Variants in FRMD4A observed in about 807,000 individuals in gnomAD.
The protein encoded by FRMD4A is FERM domain containing 4A.
In FRMD4A, 29 loss-of-function variants were observed where a neutral mutation model predicts 129.1. The observed-to-expected ratio is 0.22, with a 90% CI of 0.17 to 0.31. The LOEUF (loss-of-function observed/expected upper bound fraction) is 0.31, where lower values mean the gene tolerates loss of function less well. FRMD4A is among the 10% of genes least tolerant of loss of function. The probability of loss-of-function intolerance (pLI) is 1.00; values close to 1 mark genes in which losing one functional copy is unlikely to be tolerated. For synonymous variants in FRMD4A, 634 were observed against 571.6 expected (o/e 1.11, Z -1.56); for missense variants, 1,272 against 1,375.8 (o/e 0.92, Z 1.19).
chr10:13,811,628 T>C (rs1374286086), intron 3 of FRMD4A, among the ~76,000 whole-genome samples: 1 of 150,940 alleles, frequency 6.6e-6, no homozygotes, highest in Admixed American at 6.6e-5. Flanking sequence ...GCGTTAGGCA[T>C]AAAGTCATGG....
chr10:13,927,306 G>C (rs1430626090), intron 2 of FRMD4A, among the ~76,000 whole-genome samples: 2 of 152,056 alleles, frequency 1.3e-5, no homozygotes, highest in South Asian at 2.1e-4. Flanking sequence ...GTCATCATTT[G>C]CTCCCCTAAC....
chr10:14,273,621 T>C (rs1453856943), intron 2 of FRMD4A, among the ~76,000 whole-genome samples: 1 of 151,942 alleles, frequency 6.6e-6, no homozygotes, highest in Non-Finnish European at 1.5e-5. Context: ...CATAAACTCT[T>C]CCAGATTCAA....
chr10:13,855,298 G>A (rs773014935), intron 3 of FRMD4A, among the ~76,000 whole-genome samples: 11 of 152,120 alleles, frequency 7.2e-5, no homozygotes, highest in East Asian at 5.8e-4. Flanking sequence ...TTTGGATGCC[G>A]TCAGCTTTCT....
chr10:14,123,764 C>T (rs1250293928), intron 2 of FRMD4A, among the ~76,000 whole-genome samples: 1 of 152,188 alleles, frequency 6.6e-6, no homozygotes, highest in Non-Finnish European at 1.5e-5. Context: ...AGTTCAAGTT[C>T]AAATATCCAT....
intron 2 of FRMD4A, among the ~76,000 whole-genome samples, chr10:14,078,826 TG>T (rs1163954695): frequency 6.6e-6 from 1 of 152,194 alleles, no homozygotes; most frequent in Non-Finnish European, 1.5e-5. Flanking sequence ...TGGGCTGCCT[TG>T]TGGCACCGTC....
At chr10:13,780,811 T>G (rs1047436866) in intron 6 of FRMD4A, among the ~76,000 whole-genome samples, 1 of 152,176 alleles carries the variant, frequency 6.6e-6, no homozygotes, top group Non-Finnish European at 1.5e-5. Flanking sequence ...AGAAGTACCC[T>G]ATGATCTGGC....
chr10:14,239,242 T>A (rs1466168826), intron 2 of FRMD4A, among the ~76,000 whole-genome samples: 1 of 152,244 alleles, frequency 6.6e-6, no homozygotes, highest in African/African-American at 2.4e-5. Context: ...CGTGGCTTAA[T>A]AGACTCATGG....
In FRMD4A at chr10:13,931,775, T is replaced by TAA. The variant is rs59824238; in HGVS notation, c.46-72865_46-72864dup. Among the ~76,000 whole-genome samples, 124 of 129,258 alleles carry TAA rather than the reference T, an allele frequency of 9.6e-4. 1 individual carries two copies. Among genetic ancestry groups the TAA allele is most frequent in the Non-Finnish European group, 1.2e-3 (73 of 62,608 alleles). 84.8% of individuals were successfully genotyped at this position (129,258 alleles called of 152,430 possible). On this transcript the variant is annotated intron_variant, in intron 2 of 24. Transcript: ENST00000357447. ...CAACATGGCAAAATCTCATCTTTAC[T>TAA]AAAAAAAAAAAAAAAAAATAGAAAA...
At chr10:13,687,275 G>T (rs889148817) in intron 15 of FRMD4A, among the ~76,000 whole-genome samples, 8 of 152,136 alleles carry the variant, frequency 5.3e-5, no homozygotes, top group African/African-American at 1.9e-4. Flanking sequence ...CAGCCTGGGC[G>T]ACAGAGCAAG....
chr10:13,679,049 T>C (rs1471680957), intron 15 of FRMD4A, among the ~76,000 whole-genome samples: 3 of 152,188 alleles, frequency 2.0e-5, no homozygotes, highest in Middle Eastern at 6.8e-3. Context: ...ATCTCCCCCA[T>C]CACCTACTCT....
intron 12 of FRMD4A, among the ~76,000 whole-genome samples, chr10:13,709,470 G>GT (rs1279418493): frequency 7.2e-5 from 11 of 152,104 alleles, no homozygotes; most frequent in African/African-American, 2.7e-4. Context: ...TTAAAAGAGA[G>GT]TAACTCCAGA....
At chr10:13,870,678 C>G (rs2094429192) in intron 2 of FRMD4A, 1 of 121,426 alleles carries the variant, frequency 8.2e-6, no homozygotes, top group Non-Finnish European at 1.9e-5. Flanking sequence ...CTGTCACGCT[C>G]CGTCCTCCCC....
chr10:13,938,761 A>G (rs2095268305), intron 2 of FRMD4A, among the ~76,000 whole-genome samples: 1 of 152,218 alleles, frequency 6.6e-6, no homozygotes, highest in African/African-American at 2.4e-5. Context: ...GATTGTCACA[A>G]CATGGAAGGT....
chr10:14,181,533 C>T (rs1262769982), intron 2 of FRMD4A, among the ~76,000 whole-genome samples: 1 of 152,148 alleles, frequency 6.6e-6, no homozygotes, highest in East Asian at 1.9e-4. Context: ...GCATTTTTAC[C>T]TCCCGCTTTT....
chr10:13,700,350 GC>G (rs2086684340), intron 14 of FRMD4A, among the ~76,000 whole-genome samples: 2 of 152,062 alleles, frequency 1.3e-5, no homozygotes, highest in African/African-American at 4.8e-5. Flanking sequence ...GGATAAGATG[GC>G]AAAAGAGAAA....
intron 2 of FRMD4A, among the ~76,000 whole-genome samples, chr10:14,294,050 A>G (rs1222053611): frequency 5.3e-5 from 8 of 152,212 alleles, no homozygotes; most frequent in Non-Finnish European, 2.9e-5. Context: ...CAATGAAATT[A>G]TTCACCCAAA....
At chr10:14,128,600 T>C (rs1044250077) in intron 2 of FRMD4A, among the ~76,000 whole-genome samples, 1 of 152,172 alleles carries the variant, frequency 6.6e-6, no homozygotes, top group Non-Finnish European at 1.5e-5. Flanking sequence ...GATTTACATA[T>C]CATACCTGAG....
chr10:13,919,940 A>AAAACAAACAAACAAAC (rs752362585), intron 2 of FRMD4A, among the ~76,000 whole-genome samples: 1 of 152,180 alleles, frequency 6.6e-6, no homozygotes, highest in African/African-American at 2.4e-5. Flanking sequence ...CCTGTCTCAA[A>AAAACAAACAAACAAAC]AAACAAACAA....
At chr10:14,258,339 C>A (rs1844687490) in intron 2 of FRMD4A, among the ~76,000 whole-genome samples, 1 of 149,696 alleles carries the variant, frequency 6.7e-6, no homozygotes. Context: ...AAAAAGAACT[C>A]TCAAAATTAT....
Sources: allele counts gnomAD v4.1 joint callset (sites outside exome capture counted in the v4.1 genomes callset), GRCh38; gene constraint gnomAD v4.1.1; transcripts MANE v1.5; gene names NCBI Gene and HGNC (gene_info 2026-07-23, HGNC 2026-07-21).